SP110: variants seen among roughly 807,000 people sequenced by gnomAD.
The protein encoded by SP110 is SP110 nuclear body protein.
In SP110, 62 loss-of-function variants were observed where a neutral mutation model predicts 92.7. That is an observed-to-expected ratio of 0.67 (90% CI 0.55 to 0.83). SP110 has a LOEUF of 0.83. Ranked by LOEUF, SP110 falls within the 40% of genes least tolerant of loss-of-function variation. The probability of loss-of-function intolerance (pLI) is 0.00; values close to 1 mark genes in which losing one functional copy is unlikely to be tolerated. For missense variants in SP110, 793 were observed against 863.9 expected, an observed-to-expected ratio of 0.92 and a Z score of 1.03; for synonymous variants, 273 against 305.3, an observed-to-expected ratio of 0.89 and a Z score of 1.10.
intron 10 of SP110, among the ~76,000 whole-genome samples, chr2:230,187,075 C>T (rs2042394638): frequency 6.6e-6 from 1 of 152,118 alleles, no homozygotes; most frequent in Non-Finnish European, 1.5e-5. Context: ...AAGAAATCTC[C>T]ATACTGTTTT....
chr2:230,174,472 G>A (rs1055646358), intron 14 of SP110, among the ~76,000 whole-genome samples: 1 of 152,174 alleles, frequency 6.6e-6, no homozygotes, highest in African/African-American at 2.4e-5. Flanking sequence ...CATTCACTGT[G>A]GAAGCTTTGG....
chr2:230,198,945 CTT>C (rs1419555044), intron 10 of SP110, among the ~76,000 whole-genome samples: 2 of 152,006 alleles, frequency 1.3e-5, no homozygotes, highest in Admixed American at 1.3e-4. Context: ...CCTTCTTTGA[CTT>C]TGCCATTTTC....
chr2:230,172,870 A>C lies in SP110; in HGVS notation c.1680T>G (p.Cys560Trp). 1 of 1,613,616 alleles carries C rather than the reference A, an allele frequency of 6.2e-7. No individual in the cohort carries two copies. The highest frequency in any genetic ancestry group is 8.5e-7 in the Non-Finnish European group (1 of 1,179,498). Reference protein sequence around the residue: ...GTCPRVFHEDCHIPPVEAKRM... With the variant: ...GTCPRVFHEDWHIPPVEAKRM... ...TCTTGGCTTCCACAGGGGGGATGTG[A>C]CAGTCCTCATGGAAGACTCGTGGAC... The change falls in exon 15 of 19, where the codon TGT (cysteine) becomes TGG (tryptophan). Residue 560 changes from cysteine (C) to tryptophan (W), a missense_variant. Transcript: ENST00000258381.
chr2:230,176,432 A>G (rs1195753397), intron 14 of SP110: 2 of 1,395,510 alleles, frequency 1.4e-6, no homozygotes, highest in Non-Finnish European at 1.9e-6. Flanking sequence ...GTTTATAGCC[A>G]TCCAAATATC....
chr2:230,165,890 T>G lies in SP110; in HGVS notation c.*3234A>C, dbSNP rs1033705397. On this transcript the variant is annotated 3_prime_UTR_variant, in exon 19 of 19. Transcript: ENST00000258381. ...AATATGACAGAAATAAGACCACCTA[T>G]ATAACTTTTTTTTTTTTTTTTGAAA... is the stretch of plus-strand genomic sequence containing the variant. Among the ~76,000 whole-genome samples, 1 of 124,062 alleles carries G rather than the reference T, an allele frequency of 8.1e-6. No homozygotes were observed. Among genetic ancestry groups the G allele is most frequent in the Non-Finnish European group, 1.7e-5 (1 of 59,704 alleles). The allele number at this position is 124,062 out of a possible 152,430, so 81.4% of individuals were successfully genotyped here.
intron 15 of SP110, 124 bp from the exon 16 acceptor site, chr2:230,172,298 A>G (rs1235449757): frequency 6.6e-6 from 5 of 752,198 alleles, no homozygotes; most frequent in East Asian, 2.5e-5. Context: ...CACCTCCCAG[A>G]GTGTCCAAGA....
rs539213557 is a variant in SP110, at chr2:230,200,981, T to G, written c.1049-16A>C. 3.8e-6 allele frequency: 6 copies of G among 1,586,210 alleles called. No individual in the cohort carries two copies. The highest frequency in any genetic ancestry group is 5.2e-6 in the Non-Finnish European group (6 of 1,154,462). ...TCAATGATCTCTGGAAAATGAAAGA[T>G]CTTAGTAAATGCCCCTTGGGAAACA... On this transcript the variant is annotated splice_polypyrimidine_tract_variant and intron_variant, in intron 9 of 18. Transcript: ENST00000258381.
chr2:230,193,821 T>TG (rs1277649758), intron 10 of SP110, among the ~76,000 whole-genome samples: 1 of 152,228 alleles, frequency 6.6e-6, no homozygotes, highest in Non-Finnish European at 1.5e-5. Context: ...GAGAAGCCAC[T>TG]GCTCAGTTGG....
upstream of SP110, among the ~76,000 whole-genome samples, chr2:230,222,840 G>GTTTT (rs35018428): frequency 1.6e-5 from 2 of 128,938 alleles, no homozygotes; most frequent in Non-Finnish European, 1.6e-5. Flanking sequence ...GTGTATTAAA[G>GTTTT]TTTTTTTTTT....
chr2:230,196,008 C>A (rs7583769), intron 10 of SP110, among the ~76,000 whole-genome samples: 116,240 of 152,094 alleles, frequency 0.76, 44,549 homozygotes, highest in Admixed American at 0.83. Flanking sequence ...TATATTACTA[C>A]TAATCAAAGA....
At chr2:230,179,006 A>G (rs1266192771) in intron 12 of SP110, among the ~76,000 whole-genome samples, 1 of 152,206 alleles carries the variant, frequency 6.6e-6, no homozygotes, top group Non-Finnish European at 1.5e-5. Context: ...GGGGCTGTCC[A>G]TGTCTTATGT....
chr2:230,185,999 A>G lies in SP110; in HGVS notation c.1274T>C (p.Leu425Ser), dbSNP rs3948464. ...ARTKCARKSR[L>S]KEKKKEKDIC... Reference sequence around the variant, plus strand: ...GATTCCATCATTAGCCTTACCTTTCAATCTGGACTTTCGGGCACATTTAGT... The same window carrying G: ...GATTCCATCATTAGCCTTACCTTTCGATCTGGACTTTCGGGCACATTTAGT... Residue 425 changes from leucine (L) to serine (S), a missense_variant, in exon 11 of 19, where the codon TTG becomes TCG. Transcript: ENST00000258381. 1,406,866 of 1,613,516 alleles carry G rather than the reference A, an allele frequency of 0.87. 614,159 individuals carry two copies. The highest frequency in any genetic ancestry group is 1 in the East Asian group (44,827 of 44,878).
Position 230,211,562 on chromosome 2 carries a change from AG to A in SP110, c.668-10del. On this transcript the variant is annotated splice_polypyrimidine_tract_variant and intron_variant, in intron 5 of 18. Transcript: ENST00000258381. This position sits in a 1 kb window ranked among gnomAD's most constrained non-coding sequence, Gnocchi z 4.2. ...CAGGTTGTCACTGGCCACTGAATGGAGGAAGAAAAAGTTTTAGATCTCAGGA... is the reference window on the plus strand; with the variant it reads ...CAGGTTGTCACTGGCCACTGAATGGAGAAGAAAAAGTTTTAGATCTCAGGA... The A allele has an allele frequency of 6.4e-7, 1 of 1,558,228 alleles. No homozygotes were observed. The highest frequency in any genetic ancestry group is 2.2e-5 in the East Asian group (1 of 44,610).
intron 15 of SP110, 26 bp downstream of exon 15, chr2:230,172,818 C>G (rs1383023843): frequency 6.7e-7 from 1 of 1,490,358 alleles, no homozygotes; most frequent in Non-Finnish European, 9.4e-7. Flanking sequence ...TGCTGTGTGC[C>G]CGAGGCGGGG....
In SP110 at chr2:230,200,087, G is replaced by A. The variant is rs2043064181; in HGVS notation, c.1129+798C>T. On this transcript the variant is annotated intron_variant, in intron 10 of 18. Transcript: ENST00000258381. ...CATGAGAAAAGTTGAAATACTACTA[G>A]ATAAGCCAGTGCAATATAGGAGAAA... is the stretch of plus-strand genomic sequence containing the variant. Among the ~76,000 whole-genome samples the A allele has an allele frequency of 2.0e-5, 3 of 152,156 alleles. No individual in the cohort carries two copies. In the South Asian group the frequency reaches 6.2e-4, roughly 32 times the overall value.
intron 3 of SP110, 136 bp from the exon 4 acceptor site, chr2:230,213,163 T>A: frequency 1.2e-6 from 1 of 823,400 alleles, no homozygotes; most frequent in South Asian, 1.4e-5. Context: ...AGAGAACTGA[T>A]TCATTGTCAT....
At chr2:230,188,502 G>A (rs1230821054) in intron 10 of SP110, among the ~76,000 whole-genome samples, 8 of 152,060 alleles carry the variant, frequency 5.3e-5, no homozygotes, top group African/African-American at 1.4e-4. Context: ...TGATTGTTCT[G>A]GCTAGGACTT....
Position 230,208,131 on chromosome 2 carries a change from C to A in SP110, c.830-72G>T, listed in dbSNP as rs1265008059. 1.0e-4 allele frequency: 96 copies of A among 922,776 alleles called. No homozygotes were observed. The Middle Eastern group carries it at 1.2e-3, about 11-fold the overall frequency. 57.2% of individuals were successfully genotyped at this position (922,776 alleles called of 1,614,324 possible). A position where few individuals can be genotyped will look rare whatever the true frequency, so the allele number is the denominator to read the frequency against. On this transcript the variant is annotated intron_variant, in intron 7 of 18. Transcript: ENST00000258381. ...AATCTTGTATGTCAATGATATTCAG[C>A]TTTTACTTTTGGTCTTCAAACCACA...
intron 10 of SP110, among the ~76,000 whole-genome samples, chr2:230,192,432 CAA>C (rs2042678333): frequency 6.6e-6 from 1 of 152,186 alleles, no homozygotes; most frequent in South Asian, 2.1e-4. Context: ...GCAACTTCAA[CAA>C]AGTCTCAGGA....
Sources: allele counts gnomAD v4.1 joint callset (sites outside exome capture counted in the v4.1 genomes callset), GRCh38; gene constraint gnomAD v4.1.1; non-coding constraint Gnocchi (gnomAD v3.1); transcripts MANE v1.5; gene names NCBI Gene and HGNC (gene_info 2026-07-23, HGNC 2026-07-21).